The following ATP2C1 variants were observed in gnomAD, a reference collection of about 807,000 sequenced individuals.
ATP2C1 encodes the protein ATPase secretory pathway Ca2+ transporting 1, also known as calcium-transporting ATPase type 2C member 1.
Under a neutral mutation model 120.5 loss-of-function variants are expected in ATP2C1, and 31 were observed. That is an observed-to-expected ratio of 0.26 (90% CI 0.19 to 0.35). The LOEUF is 0.35. Ranked by LOEUF, ATP2C1 falls within the 10% of genes least tolerant of loss-of-function variation. ATP2C1 has a pLI of 1.00. For synonymous variants in ATP2C1, 351 were observed against 358.7 expected (o/e 0.98, Z 0.24); for missense variants, 731 against 1,107.5 (o/e 0.66, Z 4.83).
rs371588368 is a variant in ATP2C1 at position 130,870,350 on chromosome 3, A to G, written c.108+19422A>G. On this transcript the variant is annotated intron_variant, in intron 1 of 26. Coordinates refer to the ATP2C1 transcript ENST00000504381. ...TCTTATTATTTAAGAAACACATTTC[A>G]TAAGGCTATAGCTACCATAGATAGT... 3.3e-5 allele frequency among the ~76,000 whole-genome samples: 5 copies of G among 152,260 alleles called. No individual in the cohort carries two copies. In the South Asian group the frequency reaches 6.2e-4, roughly 19 times the overall value.
At chr3:130,869,600 AATG>A (rs2107766620) in intron 1 of ATP2C1, among the ~76,000 whole-genome samples, 1 of 152,332 alleles carries the variant, frequency 6.6e-6, no homozygotes, top group Non-Finnish European at 1.5e-5. Flanking sequence ...TGAACACACA[AATG>A]ATAAGAAAGC....
At chr3:130,942,359 A>C (rs2059961383) in intron 8 of ATP2C1, among the ~76,000 whole-genome samples, 1 of 152,206 alleles carries the variant, frequency 6.6e-6, no homozygotes, top group African/African-American at 2.4e-5. Context: ...GTTGCTAAAT[A>C]ATGTTATCCT....
At chr3:131,005,068 T>G (rs1051074563), downstream of ATP2C1, among the ~76,000 whole-genome samples, 13 of 150,426 alleles carry the variant, frequency 8.6e-5, no homozygotes, top group East Asian at 2.6e-3. Context: ...AATTGAGCTG[T>G]GGCAGTCAGG....
At chr3:130,882,125 T>C (rs2068802868) in intron 1 of ATP2C1, among the ~76,000 whole-genome samples, 1 of 152,230 alleles carries the variant, frequency 6.6e-6, no homozygotes, top group Non-Finnish European at 1.5e-5. Flanking sequence ...ATCCTTTTCA[T>C]GTTCCAGTCT....
Position 130,894,529 on chromosome 3 carries a change from T to C in ATP2C1, c.-180-61T>C. Reference sequence around the variant, plus strand: ...GGAGGGGGGCTCCCGAGATAGTGGCTGGGCGGGGAACTCCTTCCTCAGCCT... The same window carrying C: ...GGAGGGGGGCTCCCGAGATAGTGGCCGGGCGGGGAACTCCTTCCTCAGCCT... On this transcript the variant is annotated intron_variant, in intron 1 of 27. Coordinates refer to ENST00000510168, the MANE Select transcript of ATP2C1 (RefSeq NM_001378687.1). This position sits in a 1 kb window ranked among gnomAD's most constrained non-coding sequence, Gnocchi z 4.5. 1 of 1,398,040 alleles carries C rather than the reference T, an allele frequency of 7.2e-7. No individual in the cohort carries two copies. Among genetic ancestry groups the C allele is most frequent in the Non-Finnish European group, 9.3e-7 (1 of 1,077,674 alleles). 86.6% of individuals were successfully genotyped at this position (1,398,040 alleles called of 1,614,324 possible). A position where few individuals can be genotyped will look rare whatever the true frequency, so the allele number is the denominator to read the frequency against.
chr3:130,963,904 C>G, intron 12 of ATP2C1, 67 bp from the exon 13 acceptor site: 1 of 1,598,350 alleles, frequency 6.3e-7, no homozygotes, highest in Non-Finnish European at 8.6e-7. Context: ...TAAGTAACAT[C>G]CAATTTAAAT....
Position 130,894,146 on chromosome 3 carries a change from C to A in ATP2C1, c.-372C>A. ...GTGACGGGTCCCCTCACCTCCTCTT[C>A]TCTCCCCTCCCCGCCCGCCCTCTCT... is the stretch of plus-strand genomic sequence containing the variant. On this transcript the variant is annotated 5_prime_UTR_variant, in exon 1 of 28. Coordinates refer to ENST00000510168, the MANE Select transcript of ATP2C1 (RefSeq NM_001378687.1). This position sits in a 1 kb window ranked among gnomAD's most constrained non-coding sequence, Gnocchi z 4.5. The A allele has an allele frequency of 1.2e-6, 1 of 814,898 alleles. No homozygotes were observed. The highest frequency in any genetic ancestry group is 1.5e-6 in the Non-Finnish European group (1 of 674,420). The allele number at this position is 814,898 out of a possible 1,614,324, so 50.5% of individuals were successfully genotyped here.
intron 1 of ATP2C1, among the ~76,000 whole-genome samples, chr3:130,871,495 G>C (rs2068427568): frequency 1.3e-5 from 2 of 152,202 alleles, no homozygotes; most frequent in Admixed American, 6.5e-5. Context: ...TTCCAGGTGG[G>C]AGGGACCACA....
At chr3:130,986,903 GTTTAGTTTAGTTTAGTTTAGTTAGT>G (rs1278163512) in intron 20 of ATP2C1, among the ~76,000 whole-genome samples, 12 of 126,538 alleles carry the variant, frequency 9.5e-5, no homozygotes, top group African/African-American at 3.4e-4. Flanking sequence ...GTTTAGTTTA[GTTTAGTTTAGTTTAGTTTAGTTAGT>G]TTAGTTTAGT....
chr3:130,905,436 G>C (rs936994975), intron 2 of ATP2C1, among the ~76,000 whole-genome samples: 1 of 151,832 alleles, frequency 6.6e-6, no homozygotes, highest in Non-Finnish European at 1.5e-5. Flanking sequence ...ACAGTATATT[G>C]ACTTACTTGT....
rs549979560 is a variant in ATP2C1, at chr3:130,960,570, A to G, written c.899+1229A>G. 1.0e-3 allele frequency among the ~76,000 whole-genome samples: 159 copies of G among 152,324 alleles called. 1 individual carries two copies. Among genetic ancestry groups the G allele is most frequent in the Non-Finnish European group, 9.8e-4 (67 of 68,024 alleles). ...GGGATCCCTTAATCATAGCAGTGTTATCTAGCAGCATACTTGACATATTAT... is the reference window on the plus strand; with the variant it reads ...GGGATCCCTTAATCATAGCAGTGTTGTCTAGCAGCATACTTGACATATTAT... On this transcript the variant is annotated intron_variant, in intron 12 of 27. Coordinates refer to ENST00000510168, the MANE Select transcript of ATP2C1 (RefSeq NM_001378687.1).
upstream of ATP2C1, among the ~76,000 whole-genome samples, chr3:130,889,462 A>G (rs1284822491): frequency 6.6e-6 from 1 of 152,118 alleles, no homozygotes; most frequent in Non-Finnish European, 1.5e-5. Context: ...CAACACTGTT[A>G]TCTTTTAATT....
chr3:130,856,649 G>T (rs1161125484), intron 1 of ATP2C1, among the ~76,000 whole-genome samples: 1 of 152,172 alleles, frequency 6.6e-6, no homozygotes, highest in Non-Finnish European at 1.5e-5. Flanking sequence ...TTAGCCCCAT[G>T]CTTATGATCT....
At position 130,993,992 on chromosome 3, in the gene ATP2C1, G is replaced by T; in HGVS notation, c.1951G>T (p.Ala651Ser). 1 of 1,614,134 alleles carries T rather than the reference G, an allele frequency of 6.2e-7. No individual in the cohort carries two copies. Among genetic ancestry groups the T allele is most frequent in the Non-Finnish European group, 8.5e-7 (1 of 1,180,002 alleles). The change falls in exon 22 of 28, where the codon GCT becomes TCT. Residue 651 changes from alanine to serine, a missense_variant. Coordinates refer to ENST00000510168, the MANE Select transcript of ATP2C1 (RefSeq NM_001378687.1). ...AGGAGATGGAGTAAATGATGCAGTTGCTCTGAAGGCTGCAGACATTGGAGT... is the reference window on the plus strand; with the variant it reads ...AGGAGATGGAGTAAATGATGCAGTTTCTCTGAAGGCTGCAGACATTGGAGT... ...MTGDGVNDAV[A>S]LKAADIGVAM... is the part of the protein sequence containing the mutation.
At position 130,894,528 on chromosome 3, in the gene ATP2C1, C is replaced by G; in HGVS notation, c.-180-62C>G. The G allele has an allele frequency of 7.2e-7, 1 of 1,396,596 alleles. No individual in the cohort carries two copies. The highest frequency in any genetic ancestry group is 9.3e-7 in the Non-Finnish European group (1 of 1,076,768). 86.5% of individuals were successfully genotyped at this position (1,396,596 alleles called of 1,614,324 possible). ...GGGAGGGGGGCTCCCGAGATAGTGG[C>G]TGGGCGGGGAACTCCTTCCTCAGCC... On this transcript the variant is annotated intron_variant, in intron 1 of 27. Transcript: ENST00000510168. This position sits in a 1 kb window ranked among gnomAD's most constrained non-coding sequence, Gnocchi z 4.5.
At position 131,001,828 on chromosome 3, in the gene ATP2C1, G is replaced by A. The variant is rs527979368; in HGVS notation, c.*478G>A. 1 of 986,000 alleles carries A rather than the reference G, an allele frequency of 1.0e-6. No homozygotes were observed. Among genetic ancestry groups the A allele is most frequent in the African/African-American group, 1.7e-5 (1 of 57,288 alleles). 61.1% of individuals were successfully genotyped at this position (986,000 alleles called of 1,614,324 possible). On this transcript the variant is annotated 3_prime_UTR_variant, in exon 28 of 28. Coordinates refer to ENST00000510168, the MANE Select transcript of ATP2C1 (RefSeq NM_001378687.1). ...CCAGGAGTGCCATATTTCAGCTACT[G>A]TATTTCCTTTTTCTTGTAATGTAAG...
At chr3:130,945,275 G>A (rs1002655965) in intron 8 of ATP2C1, among the ~76,000 whole-genome samples, 2 of 152,148 alleles carry the variant, frequency 1.3e-5, no homozygotes, top group African/African-American at 4.8e-5. Flanking sequence ...ATAACCAATG[G>A]ATTGGTCGGA....
chr3:130,932,128 A>G lies in ATP2C1; in HGVS notation c.224A>G (p.Tyr75Cys), dbSNP rs532150420. The part of the protein sequence containing the change: ...ISEDEPLWKK[Y>C]ISQFKNPLIM... ...GAAGATGAGCCACTGTGGAAGAAGT[A>G]TATTTCTCAGGTGAGATACTTTTAC... is the stretch of plus-strand genomic sequence containing the variant. Residue 75 changes from tyrosine (Y) to cysteine (C), a missense_variant, in exon 4 of 28, where the codon TAT becomes TGT. By Grantham distance (194) the Tyr-to-Cys change is radical (BLOSUM62 -2). Around this residue, in one of 3 missense-constraint regions of ATP2C1, gnomAD observed 571 missense variants for 845.9 expected, o/e 0.67. Transcript: ENST00000510168. The G allele has an allele frequency of 3.1e-6, 5 of 1,594,902 alleles. No individual in the cohort carries two copies. Among genetic ancestry groups the G allele is most frequent in the East Asian group, 4.5e-5 (2 of 44,736 alleles).
At chr3:131,005,109 CTTTT>C (rs35129703), downstream of ATP2C1, among the ~76,000 whole-genome samples, 4 of 92,622 alleles carry the variant, frequency 4.3e-5, no homozygotes, top group South Asian at 3.9e-4. Flanking sequence ...TTTGAATTGT[CTTTT>C]TTTTTTTTTT....
Sources: allele counts gnomAD v4.1 joint callset (sites outside exome capture counted in the v4.1 genomes callset), GRCh38; gene constraint gnomAD v4.1.1; regional missense constraint gnomAD v4.1.1; non-coding constraint Gnocchi (gnomAD v3.1); transcripts MANE v1.5; gene names NCBI Gene and HGNC (gene_info 2026-07-23, HGNC 2026-07-21).